SNTG1: variants seen among roughly 807,000 people sequenced by gnomAD.
SNTG1 encodes gamma-1-syntrophin.
Under a neutral mutation model 74.7 loss-of-function variants are expected in SNTG1, and 39 were observed. The observed-to-expected ratio is 0.52, with a 90% confidence interval of 0.40 to 0.68. The LOEUF is 0.68. SNTG1 is among the 30% of genes least tolerant of loss of function. SNTG1 has a pLI of 0.00. For synonymous variants in SNTG1, 254 were observed against 217.1 expected (o/e 1.17, Z -1.49); for missense variants, 685 against 609.5 (o/e 1.12, Z -1.30).
intron 1 of SNTG1, among the ~76,000 whole-genome samples, chr8:49,926,745 T>C (rs1273472103): frequency 6.6e-6 from 1 of 152,066 alleles, no homozygotes; most frequent in African/African-American, 2.4e-5. Flanking sequence ...ATAAGCTAAA[T>C]TCATTAAAAT....
chr8:50,052,094 A>C (rs1819625513), intron 1 of SNTG1, among the ~76,000 whole-genome samples: 1 of 152,092 alleles, frequency 6.6e-6, no homozygotes, highest in African/African-American at 2.4e-5. Context: ...GAATAATTGA[A>C]ACAATTCCAA....
At chr8:50,217,570 G>A (rs1037050432) in intron 2 of SNTG1, among the ~76,000 whole-genome samples, 2 of 151,984 alleles carry the variant, frequency 1.3e-5, no homozygotes, top group African/African-American at 4.8e-5. Context: ...GTGCACACAA[G>A]GCCAAATCTA....
chr8:50,408,180 A>G (rs1263168272), intron 4 of SNTG1, among the ~76,000 whole-genome samples: 1 of 152,208 alleles, frequency 6.6e-6, no homozygotes, highest in Admixed American at 6.5e-5. Flanking sequence ...ATGGCCTTTC[A>G]TTAGTTTTAC....
intron 1 of SNTG1, among the ~76,000 whole-genome samples, chr8:50,084,267 C>G (rs993848793): frequency 6.6e-6 from 1 of 152,112 alleles, no homozygotes; most frequent in Non-Finnish European, 1.5e-5. Flanking sequence ...CAAGGCCTTC[C>G]TGGCCAACAT....
intron 12 of SNTG1, among the ~76,000 whole-genome samples, chr8:50,569,504 T>TGAAAAGCAAAAAAAAAATC (rs1257246468): frequency 1.3e-5 from 2 of 150,324 alleles, no homozygotes; most frequent in Non-Finnish European, 3.0e-5. Context: ...GCGTTGGTTT[T>TGAAAAGCAAAAAAAAAATC]GAAAAGCAAA....
At chr8:50,772,545 T>G (rs966134483) in intron 18 of SNTG1, among the ~76,000 whole-genome samples, 3 of 152,108 alleles carry the variant, frequency 2.0e-5, no homozygotes, top group African/African-American at 7.2e-5. Context: ...AATTTGGACT[T>G]TGGGCTTTCA....
chr8:50,712,688 T>C (rs7845831), intron 17 of SNTG1, among the ~76,000 whole-genome samples: 50,688 of 151,452 alleles, frequency 0.33, 11,038 homozygotes, highest in African/African-American at 0.62. Flanking sequence ...CAGTGTGTGA[T>C]GTTTCCCTCC....
intron 1 of SNTG1, among the ~76,000 whole-genome samples, chr8:50,067,253 C>CTT (rs541740641): frequency 4.0e-5 from 6 of 151,128 alleles, no homozygotes; most frequent in African/African-American, 1.5e-4. Flanking sequence ...ACATATGTGG[C>CTT]TTTTTTTTTA....
intron 2 of SNTG1, among the ~76,000 whole-genome samples, chr8:50,196,577 G>T (rs2083777549): frequency 6.6e-6 from 1 of 151,962 alleles, no homozygotes; most frequent in Admixed American, 6.6e-5. Context: ...ATTCTATGTA[G>T]AAAAGTACTC....
intron 1 of SNTG1, among the ~76,000 whole-genome samples, chr8:50,147,050 A>G (rs2081897623): frequency 6.6e-6 from 1 of 152,092 alleles, no homozygotes; most frequent in South Asian, 2.1e-4. Flanking sequence ...TTTTTACCAT[A>G]TATCCTGTTG....
intron 2 of SNTG1, among the ~76,000 whole-genome samples, chr8:50,282,805 G>C (rs2088549355): frequency 6.6e-6 from 1 of 151,946 alleles, no homozygotes. Context: ...AATAAAAGCT[G>C]TCTGACAATA....
At chr8:50,174,579 A>G (rs949783151) in intron 2 of SNTG1, among the ~76,000 whole-genome samples, 5 of 152,200 alleles carry the variant, frequency 3.3e-5, no homozygotes, top group African/African-American at 1.2e-4. Flanking sequence ...ACGCATTATA[A>G]ATGCCATTAT....
intron 8 of SNTG1, among the ~76,000 whole-genome samples, chr8:50,499,570 T>A (rs310559): frequency 0.7 from 105,924 of 151,334 alleles, 39,515 homozygotes; most frequent in East Asian, 0.84. Context: ...AAATGTTGAC[T>A]AAAAGTAGAC....
intron 2 of SNTG1, among the ~76,000 whole-genome samples, chr8:50,299,877 T>G (rs549560327): frequency 6.6e-6 from 1 of 152,232 alleles, no homozygotes; most frequent in Non-Finnish European, 1.5e-5. Context: ...CTTTAACCCA[T>G]TTACTAAACT....
At chr8:49,983,967 T>C (rs978267258) in intron 1 of SNTG1, among the ~76,000 whole-genome samples, 1 of 140,948 alleles carries the variant, frequency 7.1e-6, no homozygotes, top group Non-Finnish European at 1.5e-5. Context: ...TTTATTACTC[T>C]GAGGCACAAT....
At chr8:50,465,229 A>ATT (rs1384341904) in intron 8 of SNTG1, among the ~76,000 whole-genome samples, 1 of 152,100 alleles carries the variant, frequency 6.6e-6, no homozygotes, top group Non-Finnish European at 1.5e-5. Flanking sequence ...TCTGTCATTC[A>ATT]TTTATTTAAT....
intron 1 of SNTG1, among the ~76,000 whole-genome samples, chr8:49,959,707 T>C (rs1389650141): frequency 6.6e-6 from 1 of 152,212 alleles, no homozygotes; most frequent in Non-Finnish European, 1.5e-5. Flanking sequence ...TTGATGAATA[T>C]TTCACCTGTT....
intron 2 of SNTG1, among the ~76,000 whole-genome samples, chr8:50,368,809 G>A (rs1178551765): frequency 1.3e-5 from 2 of 152,078 alleles, no homozygotes; most frequent in African/African-American, 4.8e-5. Flanking sequence ...GCCCTTGCTA[G>A]GTTTTCTGCT....
intron 1 of SNTG1, among the ~76,000 whole-genome samples, chr8:49,912,880 G>A (rs985497402): frequency 6.6e-6 from 1 of 152,136 alleles, no homozygotes; most frequent in Non-Finnish European, 1.5e-5. Flanking sequence ...TGCCTCTTTA[G>A]GAGAGCTGGA....
Sources: gnomAD v4.1 joint callset for allele counts (sites outside exome capture counted in the v4.1 genomes callset) on GRCh38, gnomAD v4.1.1 for gene constraint, MANE v1.5 for transcripts, NCBI Gene and HGNC (gene_info 2026-07-23, HGNC 2026-07-21) for gene names.